The following PSD3 variants were observed in gnomAD, a reference collection of about 807,000 sequenced individuals.
PSD3 encodes the protein PH and SEC7 domain-containing protein 3.
Under a neutral mutation model 105.5 loss-of-function variants are expected in PSD3, and 49 were observed. The ratio of observed to expected loss-of-function variants is 0.46; its 90% CI spans 0.37 to 0.59. PSD3 has a LOEUF of 0.59. PSD3 is among the 20% of genes least tolerant of loss of function. The pLI is 0.00. For synonymous variants in PSD3, 557 were observed against 457.8 expected, an observed-to-expected ratio of 1.22 and a Z score of -2.77; for missense variants, 1,561 against 1,263.8, an observed-to-expected ratio of 1.24 and a Z score of -3.57.
At chr8:19,080,978 CCT>C (rs1339286962) in intron 1 of PSD3, among the ~76,000 whole-genome samples, 3 of 152,226 alleles carry the variant, frequency 2.0e-5, no homozygotes, top group South Asian at 2.1e-4. Flanking sequence ...GCTTTTCCCC[CCT>C]GTCTTTTGAG....
chr8:18,716,383 A>C (rs1802599310), intron 9 of PSD3, among the ~76,000 whole-genome samples: 1 of 152,186 alleles, frequency 6.6e-6, no homozygotes, highest in Non-Finnish European at 1.5e-5. Flanking sequence ...AAATGGAAAA[A>C]TGCCTCTATG....
At chr8:18,742,157 T>C (rs1804626111) in intron 9 of PSD3, among the ~76,000 whole-genome samples, 1 of 152,238 alleles carries the variant, frequency 6.6e-6, no homozygotes, top group South Asian at 2.1e-4. Context: ...AGTTTCACCT[T>C]TTGTTCTAAT....
chr8:18,941,919 C>T (rs1415441231), intron 1 of PSD3, among the ~76,000 whole-genome samples: 3 of 151,990 alleles, frequency 2.0e-5, no homozygotes, highest in Non-Finnish European at 2.9e-5. Flanking sequence ...GTGATCCGCC[C>T]GCCTCGGCCT....
chr8:18,685,834 T>C (rs891077360), intron 9 of PSD3, among the ~76,000 whole-genome samples: 90 of 152,050 alleles, frequency 5.9e-4, no homozygotes, highest in Non-Finnish European at 2.5e-4. Flanking sequence ...AAGAAACTAA[T>C]ACCATAATAA....
At chr8:18,855,110 T>C (rs565783730) in intron 4 of PSD3, among the ~76,000 whole-genome samples, 68 of 152,348 alleles carry the variant, frequency 4.5e-4, no homozygotes, top group Non-Finnish European at 7.8e-4. Context: ...TTCTTTTCCA[T>C]GCTTTTCCTG....
chr8:18,596,752 T>C (rs1239037298), intron 12 of PSD3, among the ~76,000 whole-genome samples: 2 of 152,050 alleles, frequency 1.3e-5, no homozygotes, highest in Non-Finnish European at 2.9e-5. Context: ...ACTAGAAACC[T>C]ACAATCTACC....
In PSD3 at chr8:18,533,546, T is replaced by C. The variant is rs1799713217; in HGVS notation, c.*2197A>G. ...TCAGAAATACTGTAGCAAGGTACCA[T>C]TCAATGTATATTAAATAAGTAAAAT... On this transcript the variant is annotated 3_prime_UTR_variant, in exon 16 of 16. Coordinates refer to ENST00000327040, the MANE Select transcript of PSD3 (RefSeq NM_015310.4). 1 of 152,168 alleles carries C rather than the reference T, an allele frequency of 6.6e-6. No homozygotes were observed. Among genetic ancestry groups the C allele is most frequent in the South Asian group, 2.1e-4 (1 of 4,830 alleles). The allele number at this position is 152,168 out of a possible 1,614,324, so 9.4% of individuals were successfully genotyped here. A position where few individuals can be genotyped will look rare whatever the true frequency, so the allele number is the denominator to read the frequency against.
intron 4 of PSD3, among the ~76,000 whole-genome samples, chr8:18,850,765 A>G (rs952777298): frequency 6.6e-6 from 1 of 152,142 alleles, no homozygotes; most frequent in African/African-American, 2.4e-5. Flanking sequence ...TCATGAGAGG[A>G]CGCGACTCTT....
intron 12 of PSD3, among the ~76,000 whole-genome samples, chr8:18,590,404 A>G (rs374518094): frequency 6.6e-6 from 1 of 152,204 alleles, no homozygotes. Flanking sequence ...GTGGAAGGAC[A>G]TGTGTTCGTG....
intron 2 of PSD3, among the ~76,000 whole-genome samples, chr8:18,909,852 T>C (rs1820087649): frequency 6.6e-6 from 1 of 152,240 alleles, no homozygotes; most frequent in South Asian, 2.1e-4. Context: ...TTTATGTTTC[T>C]TTGTTTTTAT....
chr8:18,756,211 C>T (rs2129441003), intron 9 of PSD3, among the ~76,000 whole-genome samples: 1 of 151,360 alleles, frequency 6.6e-6, no homozygotes, highest in Middle Eastern at 3.4e-3. Context: ...ACAGTTGATG[C>T]TCTTTTTTTA....
intron 8 of PSD3, among the ~76,000 whole-genome samples, chr8:18,790,305 C>CTTTTTTTTTTTTT (rs772350691): frequency 7.5e-6 from 1 of 133,400 alleles, no homozygotes; most frequent in African/African-American, 2.9e-5. Flanking sequence ...TTTTTCTTTT[C>CTTTTTTTTTTTTT]TTTTTTTTTT....
chr8:18,630,400 G>A (rs1000830187), intron 11 of PSD3, among the ~76,000 whole-genome samples: 6 of 151,856 alleles, frequency 4.0e-5, no homozygotes, highest in Non-Finnish European at 8.8e-5. Context: ...GCTTCTACCC[G>A]GAGAATCCTC....
intron 9 of PSD3, among the ~76,000 whole-genome samples, chr8:18,661,552 T>C (rs1809349633): frequency 6.6e-6 from 1 of 152,198 alleles, no homozygotes; most frequent in Non-Finnish European, 1.5e-5. Flanking sequence ...TAAAATAATA[T>C]TGAAAAACTG....
chr8:19,081,185 T>C (rs1024167609), intron 1 of PSD3, among the ~76,000 whole-genome samples: 1 of 152,162 alleles, frequency 6.6e-6, no homozygotes, highest in African/African-American at 2.4e-5. Context: ...AGCCGTCCGT[T>C]GGCACCACCC....
At chr8:18,906,103 T>G (rs2129462318) in intron 2 of PSD3, among the ~76,000 whole-genome samples, 1 of 152,288 alleles carries the variant, frequency 6.6e-6, no homozygotes, top group Non-Finnish European at 1.5e-5. Context: ...ATACACTGAT[T>G]TTTCTGTTCT....
At chr8:18,687,659 A>C (rs920910217) in intron 9 of PSD3, among the ~76,000 whole-genome samples, 2 of 152,150 alleles carry the variant, frequency 1.3e-5, no homozygotes, top group African/African-American at 4.8e-5. Context: ...AGAGATAATA[A>C]GCCATCCACG....
intron 11 of PSD3, among the ~76,000 whole-genome samples, chr8:18,616,851 G>A (rs968685989): frequency 1.3e-5 from 2 of 151,458 alleles, no homozygotes; most frequent in Non-Finnish European, 2.9e-5. Flanking sequence ...TCTCGATCTC[G>A]TGACCTCGTG....
chr8:18,716,439 A>C (rs1802605447), intron 9 of PSD3, among the ~76,000 whole-genome samples: 1 of 152,208 alleles, frequency 6.6e-6, no homozygotes, highest in South Asian at 2.1e-4. Context: ...GGAGCCAATG[A>C]AAGGAAGTGT....
Sources: gnomAD v4.1 joint callset for allele counts (sites outside exome capture counted in the v4.1 genomes callset) on GRCh38, gnomAD v4.1.1 for gene constraint, MANE v1.5 for transcripts, NCBI Gene and HGNC (gene_info 2026-07-23, HGNC 2026-07-21) for gene names.